CCDC40: variants seen among roughly 807,000 people sequenced by gnomAD.
The protein encoded by CCDC40 is coiled-coil domain 40 molecular ruler complex subunit.
CCDC40 carries 104 observed loss-of-function variants against 124.5 expected under a neutral mutation model. The ratio of observed to expected loss-of-function variants is 0.84; its 90% CI spans 0.71 to 0.98. The LOEUF (loss-of-function observed/expected upper bound fraction) is 0.98. Among genes scored for constraint, CCDC40 ranks in the 50% least tolerant of loss-of-function variants. CCDC40 has a pLI of 0.00. For missense variants in CCDC40, 1,463 were observed against 1,503.9 expected (o/e 0.97, Z 0.45); for synonymous variants, 580 against 602.9 (o/e 0.96, Z 0.56).
In CCDC40 at chr17:80,058,924, G is replaced by C. The variant is rs1433215718; in HGVS notation, c.1384G>C (p.Ala462Pro). The change falls in exon 9 of 20, where the codon GCT (alanine) becomes CCT (proline). Residue 462 changes from alanine (A) to proline (P), a missense_variant. Physicochemically the swap from Ala to Pro is conservative, Grantham distance 27 (BLOSUM62 -1). Coordinates refer to ENST00000397545, the MANE Select transcript of CCDC40 (RefSeq NM_017950.4). This position sits in a 1 kb window ranked among gnomAD's most constrained non-coding sequence, Gnocchi z 4.2. ...GGAAGAAGACATTGCCCTGTTTGAG[G>C]CTCAGTACTTGGCCCAAGCTGAGGA... ...QLEEDIALFE[A>P]QYLAQAEDTR... The C allele has an allele frequency of 1.2e-6, 2 of 1,614,184 alleles. No homozygotes were observed. The highest frequency in any genetic ancestry group is 1.7e-6 in the Non-Finnish European group (2 of 1,180,020).
chr17:80,099,695 G>A lies in CCDC40; in HGVS notation c.3349G>A (p.Glu1117Lys), dbSNP rs145595957. ...CACCATCCTGGACCGCGTGCGGGAC[G>A]AGTACCCCCAGTTCCAGGAGGCCCT... ...IATILDRVRD[E>K]YPQFQEALHK... Residue 1117 changes from glutamate (E) to lysine (K), a missense_variant, in exon 20 of 20, where the codon GAG becomes AAG. Physicochemically the swap from Glu to Lys is moderately conservative, Grantham distance 56. Coordinates refer to ENST00000397545, the MANE Select transcript of CCDC40 (RefSeq NM_017950.4). 1,136 of 1,613,804 alleles carry A rather than the reference G, an allele frequency of 7.0e-4. 4 individuals carry two copies. In the African/African-American group the frequency reaches 0.012, roughly 18 times the overall value.
chr17:80,072,028 G>A (rs571487923), intron 10 of CCDC40, among the ~76,000 whole-genome samples: 5 of 151,944 alleles, frequency 3.3e-5, no homozygotes, highest in South Asian at 4.2e-4. Context: ...TAAAAGAGAC[G>A]GGGTTTCACC....
chr17:80,042,964 G>C (rs1462121677), intron 3 of CCDC40, among the ~76,000 whole-genome samples: 1 of 151,922 alleles, frequency 6.6e-6, no homozygotes, highest in Non-Finnish European at 1.5e-5. Context: ...TGATTTGGTA[G>C]ATTACATTGA....
At chr17:80,090,523 C>T in intron 17 of CCDC40, 1 of 1,523,244 alleles carries the variant, frequency 6.6e-7, no homozygotes, top group East Asian at 2.5e-5. Context: ...TTTATTCCTA[C>T]TCCATGTAAT....
At chr17:80,042,027 T>A (rs1380527626) in intron 3 of CCDC40, among the ~76,000 whole-genome samples, 1 of 152,156 alleles carries the variant, frequency 6.6e-6, no homozygotes, top group African/African-American at 2.4e-5. Context: ...GGGAAAAAAA[T>A]TGCAACAGAT....
intron 1 of CCDC40, among the ~76,000 whole-genome samples, chr17:80,037,688 A>AGATATATATATATATAT (rs1555889124): frequency 2.6e-4 from 12 of 45,708 alleles, no homozygotes; most frequent in African/African-American, 7.1e-4. Flanking sequence ...TTTTTTAAAA[A>AGATATATATATATATAT]AGATATACAT....
intron 10 of CCDC40, among the ~76,000 whole-genome samples, chr17:80,073,571 G>A (rs944678525): frequency 3.9e-5 from 6 of 152,170 alleles, no homozygotes; most frequent in Non-Finnish European, 5.9e-5. Context: ...TCGCCGGCTG[G>A]CGTTCTTCCA....
intron 3 of CCDC40, among the ~76,000 whole-genome samples, chr17:80,041,936 C>A (rs2037293217): frequency 6.6e-6 from 1 of 152,114 alleles, no homozygotes; most frequent in South Asian, 2.1e-4. Flanking sequence ...CCTTTTACTC[C>A]TTTATACTTA....
intron 9 of CCDC40, among the ~76,000 whole-genome samples, chr17:80,063,890 T>C (rs558286438): frequency 3.3e-5 from 5 of 152,260 alleles, no homozygotes; most frequent in Admixed American, 3.3e-4. Context: ...TTGCTGGAGG[T>C]GACTGATACG....
chr17:80,044,717 ATATAT>A (rs752417940), intron 3 of CCDC40, among the ~76,000 whole-genome samples: 3,862 of 40,720 alleles, frequency 0.095, 137 homozygotes, highest in Middle Eastern at 0.25. Flanking sequence ...AAAAAAAAAA[ATATAT>A]ATATATATAT....
At chr17:80,051,657 A>G (rs2037600160) in intron 7 of CCDC40, among the ~76,000 whole-genome samples, 1 of 149,398 alleles carries the variant, frequency 6.7e-6, no homozygotes, top group South Asian at 2.1e-4. Context: ...AAAAAAAAGA[A>G]AAAAGAACCT....
intron 3 of CCDC40, among the ~76,000 whole-genome samples, chr17:80,041,381 AC>A (rs1300275254): frequency 6.6e-6 from 1 of 151,892 alleles, no homozygotes; most frequent in Non-Finnish European, 1.5e-5. Context: ...GGTGGTGCAC[AC>A]CTGTAATCCC....
intron 9 of CCDC40, 110 bp downstream of exon 9, chr17:80,059,090 T>C (rs2143651304): frequency 1.5e-6 from 2 of 1,352,976 alleles, no homozygotes; most frequent in Admixed American, 1.7e-5. Flanking sequence ...GATGAGTGAC[T>C]GCAGCCAGCT....
At chr17:80,097,441 A>G (rs372778887) in intron 19 of CCDC40, 38 bp downstream of exon 19, 1 of 1,611,794 alleles carries the variant, frequency 6.2e-7, no homozygotes, top group African/African-American at 1.3e-5. Flanking sequence ...GATGACGGCC[A>G]TGGAACATGC....
At chr17:80,079,100 A>AT (rs560766297) in intron 10 of CCDC40, among the ~76,000 whole-genome samples, 135 of 151,790 alleles carry the variant, frequency 8.9e-4, no homozygotes, top group Admixed American at 1.5e-3. Context: ...CGCCCGGCTA[A>AT]TTTTTTTTGT....
intron 19 of CCDC40, 95 bp from the exon 20 acceptor site, chr17:80,099,432 C>A (rs1235862740): frequency 2.0e-6 from 3 of 1,468,692 alleles, no homozygotes; most frequent in Non-Finnish European, 2.8e-6. Context: ...CTCGCCTCCT[C>A]TTCGGCATTT....
chr17:80,039,725 A>G, intron 2 of CCDC40, 87 bp from the exon 3 acceptor site: 1 of 1,514,320 alleles, frequency 6.6e-7, no homozygotes, highest in East Asian at 2.4e-5. Flanking sequence ...CAGTTTTCCC[A>G]TTGATATAAT....
intron 16 of CCDC40, among the ~76,000 whole-genome samples, chr17:80,088,679 TGCCGGTAGTCCCA>T (rs2038640397): frequency 6.6e-6 from 1 of 152,188 alleles, no homozygotes; most frequent in South Asian, 2.1e-4. Context: ...TGGTGGTGCA[TGCCGGTAGTCCCA>T]GCTACTCGGG....
intron 4 of CCDC40, chr17:80,048,284 C>T (rs1182378578): frequency 4.7e-6 from 2 of 424,994 alleles, no homozygotes; most frequent in Non-Finnish European, 8.9e-6. Flanking sequence ...TGTATCCAAT[C>T]CACTAGTTAA....
Sources: gnomAD v4.1 joint callset for allele counts (sites outside exome capture counted in the v4.1 genomes callset) on GRCh38, gnomAD v4.1.1 for gene constraint, Gnocchi (gnomAD v3.1) non-coding constraint, MANE v1.5 for transcripts, NCBI Gene and HGNC (gene_info 2026-07-23, HGNC 2026-07-21) for gene names.